FSTL5: variants seen among roughly 807,000 people sequenced by gnomAD.
FSTL5 encodes the protein follistatin like 5.
FSTL5 carries 62 observed loss-of-function variants against 89.1 expected under a neutral mutation model. The ratio of observed to expected loss-of-function variants is 0.70; its 90% confidence interval spans 0.57 to 0.86. The LOEUF (loss-of-function observed/expected upper bound fraction) is 0.86. Among genes scored for constraint, FSTL5 ranks in the 40% least tolerant of loss-of-function variants. FSTL5 has a pLI of 0.00. For synonymous variants in FSTL5, 383 were observed against 346.2 expected (o/e 1.11, Z -1.18); for missense variants, 1,057 against 1,001.6 (o/e 1.06, Z -0.75).
At chr4:161,783,476 T>C (rs1741741429) in intron 4 of FSTL5, among the ~76,000 whole-genome samples, 1 of 151,770 alleles carries the variant, frequency 6.6e-6, no homozygotes, top group South Asian at 2.1e-4. Flanking sequence ...TTTAAGTGCA[T>C]TATGTCTTCT....
At chr4:161,921,136 A>G (rs1204062784) in intron 3 of FSTL5, among the ~76,000 whole-genome samples, 2 of 152,176 alleles carry the variant, frequency 1.3e-5, no homozygotes, top group Admixed American at 1.3e-4. Context: ...TAGCTTTTAC[A>G]GTAACAGAAT....
intron 3 of FSTL5, among the ~76,000 whole-genome samples, chr4:161,993,348 A>G (rs1039559137): frequency 2.0e-5 from 3 of 152,092 alleles, no homozygotes; most frequent in Non-Finnish European, 4.4e-5. Flanking sequence ...AATATTTGCA[A>G]TATTTATGAG....
chr4:161,876,364 A>G (rs532629338), intron 4 of FSTL5, among the ~76,000 whole-genome samples: 1 of 152,352 alleles, frequency 6.6e-6, no homozygotes, highest in South Asian at 2.1e-4. Context: ...ATGAGGAAAC[A>G]TTAAGTAAAG....
chr4:161,762,511 T>C (rs1263552732), intron 5 of FSTL5, among the ~76,000 whole-genome samples: 1 of 152,196 alleles, frequency 6.6e-6, no homozygotes, highest in Non-Finnish European at 1.5e-5. Context: ...CCAGATTCAC[T>C]AAATATATTT....
intron 7 of FSTL5, among the ~76,000 whole-genome samples, chr4:161,643,617 G>A (rs572093190): frequency 6.5e-4 from 99 of 152,110 alleles, no homozygotes; most frequent in African/African-American, 2.2e-3. Context: ...ATTAAACAAC[G>A]ATCATGTATG....
intron 3 of FSTL5, among the ~76,000 whole-genome samples, chr4:161,926,432 A>C (rs1734128493): frequency 6.8e-6 from 1 of 146,550 alleles, no homozygotes; most frequent in African/African-American, 2.5e-5. Context: ...TTTTTACAAG[A>C]GGCCGTATGA....
At chr4:161,520,746 T>C (rs2126515170) in intron 10 of FSTL5, among the ~76,000 whole-genome samples, 1 of 152,310 alleles carries the variant, frequency 6.6e-6, no homozygotes, top group South Asian at 2.1e-4. Context: ...GCAGTAAGAA[T>C]TTTGATATCA....
intron 4 of FSTL5, among the ~76,000 whole-genome samples, chr4:161,795,800 T>C (rs531057498): frequency 4.6e-5 from 7 of 152,202 alleles, no homozygotes; most frequent in Admixed American, 2.0e-4. Context: ...AATTGGTCTA[T>C]GTATCTGTTT....
At chr4:161,945,278 C>A (rs1221852517) in intron 3 of FSTL5, among the ~76,000 whole-genome samples, 2 of 152,136 alleles carry the variant, frequency 1.3e-5, no homozygotes, top group East Asian at 3.9e-4. Flanking sequence ...CTAATTGCAA[C>A]TTGTAAAGTT....
chr4:161,798,052 A>C (rs1238194799), intron 4 of FSTL5, among the ~76,000 whole-genome samples: 2 of 151,658 alleles, frequency 1.3e-5, no homozygotes, highest in African/African-American at 4.8e-5. Flanking sequence ...TGTCTTCAAT[A>C]TATTAACCTA....
At chr4:161,561,646 CA>C (rs201178951) in intron 8 of FSTL5, among the ~76,000 whole-genome samples, 26 of 146,594 alleles carry the variant, frequency 1.8e-4, no homozygotes, top group South Asian at 1.5e-3. Context: ...AATAACAAGG[CA>C]AAAAAAAAGA....
intron 6 of FSTL5, among the ~76,000 whole-genome samples, chr4:161,745,369 T>C (rs1253337485): frequency 6.6e-6 from 1 of 152,074 alleles, no homozygotes; most frequent in African/African-American, 2.4e-5. Flanking sequence ...TACAAAAATG[T>C]GCTACTTTCT....
At chr4:161,525,327 G>A (rs1731179087) in intron 10 of FSTL5, among the ~76,000 whole-genome samples, 1 of 152,080 alleles carries the variant, frequency 6.6e-6, no homozygotes, top group African/African-American at 2.4e-5. Flanking sequence ...CAAACCCATT[G>A]TTCTCTGCAG....
intron 4 of FSTL5, among the ~76,000 whole-genome samples, chr4:161,847,111 AG>A (rs1731391739): frequency 6.6e-6 from 1 of 152,178 alleles, no homozygotes; most frequent in Non-Finnish European, 1.5e-5. Context: ...ATGTCAGAAT[AG>A]TTATATTACT....
At chr4:161,659,658 TA>T (rs1275154637) in intron 6 of FSTL5, among the ~76,000 whole-genome samples, 1 of 152,180 alleles carries the variant, frequency 6.6e-6, no homozygotes, top group Non-Finnish European at 1.5e-5. Context: ...AATCAAGCTG[TA>T]ATCCAATTTA....
At chr4:162,057,793 A>C (rs1357390299) in intron 2 of FSTL5, among the ~76,000 whole-genome samples, 1 of 151,656 alleles carries the variant, frequency 6.6e-6, no homozygotes, top group East Asian at 1.9e-4. Context: ...AAAATACAAA[A>C]ATTAGTCGGG....
chr4:162,064,518 C>T (rs1378254868), intron 2 of FSTL5, among the ~76,000 whole-genome samples: 1 of 151,946 alleles, frequency 6.6e-6, no homozygotes, highest in Non-Finnish European at 1.5e-5. Flanking sequence ...TTTCTTTTGC[C>T]TTACTATTTG....
intron 7 of FSTL5, among the ~76,000 whole-genome samples, chr4:161,594,672 T>G: frequency 6.6e-6 from 1 of 152,158 alleles, no homozygotes; most frequent in South Asian, 2.1e-4. Context: ...AGCCAAAATT[T>G]TCTTTAATAA....
chr4:161,741,920 G>A (rs969369568), intron 6 of FSTL5, among the ~76,000 whole-genome samples: 1 of 151,814 alleles, frequency 6.6e-6, no homozygotes, highest in Non-Finnish European at 1.5e-5. Context: ...TTAATAAGTA[G>A]GCAAGTCCAT....
Sources: allele counts gnomAD v4.1 joint callset (sites outside exome capture counted in the v4.1 genomes callset), GRCh38; gene constraint gnomAD v4.1.1; transcripts MANE v1.5; gene names NCBI Gene and HGNC (gene_info 2026-07-23, HGNC 2026-07-21).